The following OSBPL8 variants were observed in gnomAD, a reference collection of about 807,000 sequenced individuals.
The protein encoded by OSBPL8 is oxysterol-binding protein-related protein 8.
A neutral mutation model predicts 125.5 loss-of-function variants in OSBPL8; 59 were observed. That is an observed-to-expected ratio of 0.47 (90% CI 0.38 to 0.58). The LOEUF (loss-of-function observed/expected upper bound fraction) is 0.58, where lower values mean the gene tolerates loss of function less well. Among genes scored for constraint, OSBPL8 ranks in the 20% least tolerant of loss-of-function variants. The pLI is 0.00. For synonymous variants in OSBPL8, 330 were observed against 338.9 expected (o/e 0.97, Z 0.29); for missense variants, 758 against 1,047.8 (o/e 0.72, Z 3.82).
At chr12:76,493,222 T>C (rs570034838) in intron 1 of OSBPL8, among the ~76,000 whole-genome samples, 8 of 152,238 alleles carry the variant, frequency 5.3e-5, no homozygotes, top group Non-Finnish European at 1.2e-4. Flanking sequence ...ACATAATGTG[T>C]GTGTAAGCTT....
At position 76,355,058 on chromosome 12, in the gene OSBPL8, C is replaced by G. The variant is rs188435980; in HGVS notation, c.*831G>C. 1 of 152,260 alleles carries G rather than the reference C, an allele frequency of 6.6e-6. No homozygotes were observed. Among genetic ancestry groups the G allele is most frequent in the Admixed American group, 6.6e-5 (1 of 15,240 alleles). The allele number at this position is 152,260 out of a possible 1,614,324, so 9.4% of individuals were successfully genotyped here. On this transcript the variant is annotated 3_prime_UTR_variant, in exon 24 of 24. Coordinates refer to ENST00000261183, the MANE Select transcript of OSBPL8 (RefSeq NM_020841.5). The stretch of plus-strand genomic sequence containing the variant: ...TCTATAAACATCTCTAGAATTTGGC[C>G]TATGTTATGAACCAGCTGACTTAAG...
At chr12:76,536,983 T>C (rs1950517794) in intron 1 of OSBPL8, 1 of 152,386 alleles carries the variant, frequency 6.6e-6, no homozygotes, top group Non-Finnish European at 1.5e-5. Context: ...ATCTTTGTGT[T>C]TAAAAAATGA....
chr12:76,468,546 A>G (rs967698277), intron 2 of OSBPL8, among the ~76,000 whole-genome samples: 9 of 152,198 alleles, frequency 5.9e-5, no homozygotes, highest in African/African-American at 1.9e-4. Flanking sequence ...GTTCACTGCA[A>G]TATCTCTTAA....
intron 6 of OSBPL8, among the ~76,000 whole-genome samples, chr12:76,402,096 G>A (rs373780500): frequency 4.5e-4 from 68 of 152,180 alleles, no homozygotes; most frequent in African/African-American, 1.5e-3. Context: ...TTTAATATGG[G>A]ATGCAAATAC....
At chr12:76,365,987 G>C (rs1448885026) in intron 21 of OSBPL8, among the ~76,000 whole-genome samples, 4 of 152,050 alleles carry the variant, frequency 2.6e-5, no homozygotes, top group African/African-American at 9.7e-5. Flanking sequence ...AATTTTGTTT[G>C]CTAGTATTTT....
At chr12:76,373,305 T>C in intron 18 of OSBPL8, 39 bp downstream of exon 18, 1 of 1,288,346 alleles carries the variant, frequency 7.8e-7, no homozygotes, top group African/African-American at 1.5e-5. Context: ...TCCCACAGAA[T>C]AAAATTCTTT....
At chr12:76,515,782 C>T (rs541201919) in intron 1 of OSBPL8, among the ~76,000 whole-genome samples, 30 of 152,066 alleles carry the variant, frequency 2.0e-4, no homozygotes, top group African/African-American at 7.0e-4. Flanking sequence ...AGAGTTGTTT[C>T]CTTGATTAGT....
At chr12:76,441,720 T>C (rs1372008364) in intron 4 of OSBPL8, among the ~76,000 whole-genome samples, 1 of 151,880 alleles carries the variant, frequency 6.6e-6, no homozygotes, top group African/African-American at 2.4e-5. Context: ...ATTTGTGACA[T>C]CTTAAAATCA....
At chr12:76,358,556 C>T (rs1471806189) in intron 22 of OSBPL8, 150 bp downstream of exon 22, 1 of 640,380 alleles carries the variant, frequency 1.6e-6, no homozygotes, top group Non-Finnish European at 2.7e-6. Flanking sequence ...GGTCTCACAA[C>T]TTATCTATGA....
At chr12:76,418,400 G>A (rs1472148509) in intron 4 of OSBPL8, among the ~76,000 whole-genome samples, 2 of 152,076 alleles carry the variant, frequency 1.3e-5, no homozygotes, top group Non-Finnish European at 1.5e-5. Flanking sequence ...GTACTTTATT[G>A]AAGCCAAATT....
chr12:76,412,507 C>T (rs759855041), intron 4 of OSBPL8, among the ~76,000 whole-genome samples: 3 of 152,090 alleles, frequency 2.0e-5, no homozygotes, highest in Non-Finnish European at 2.9e-5. Context: ...CATCCTATGC[C>T]ACCTAGTCTA....
intron 18 of OSBPL8, among the ~76,000 whole-genome samples, chr12:76,372,209 C>T (rs1952647856): frequency 6.6e-6 from 1 of 151,918 alleles, no homozygotes; most frequent in Non-Finnish European, 1.5e-5. Context: ...TCATCTCTAT[C>T]TTATCTATCT....
At chr12:76,363,230 C>G (rs1442945117) in intron 21 of OSBPL8, among the ~76,000 whole-genome samples, 1 of 152,194 alleles carries the variant, frequency 6.6e-6, no homozygotes, top group African/African-American at 2.4e-5. Flanking sequence ...CCAAGACAAT[C>G]CTAAGCAAAA....
At position 76,521,592 on chromosome 12, in the gene OSBPL8, AC is replaced by A. The variant is rs551859841; in HGVS notation, c.-67-33975del. ...CACAAGCAAAATGTGGTATATACAT[AC>A]AATGGAATATTGTTCAGCCTTTAAA... is the stretch of plus-strand genomic sequence containing the variant. On this transcript the variant is annotated intron_variant, in intron 1 of 23. Coordinates refer to ENST00000261183, the MANE Select transcript of OSBPL8 (RefSeq NM_020841.5). Among the ~76,000 whole-genome samples, 737 of 152,370 alleles carry A rather than the reference AC, an allele frequency of 4.8e-3. 6 individuals are homozygous for A. Among genetic ancestry groups the A allele is most frequent in the African/African-American group, 0.017 (687 of 41,584 alleles).
chr12:76,493,477 G>T (rs1327733326), intron 1 of OSBPL8, among the ~76,000 whole-genome samples: 2 of 152,088 alleles, frequency 1.3e-5, no homozygotes, highest in Non-Finnish European at 2.9e-5. Context: ...AATTTCTGAA[G>T]AACAGTTTTG....
Position 76,371,589 on chromosome 12 carries a change from AT to A in OSBPL8, c.1918-6del. 1 of 1,554,368 alleles carries A rather than the reference AT, an allele frequency of 6.4e-7. No individual in the cohort carries two copies. The highest frequency in any genetic ancestry group is 1.9e-5 in the Admixed American group (1 of 51,978). ...AGTAATAAAAACTTCACTATCCTAT[AT>A]TTAAAAAAATTCAAAATTAATGTAA... On this transcript the variant is annotated splice_polypyrimidine_tract_variant and splice_region_variant and intron_variant, in intron 18 of 23. Coordinates refer to ENST00000261183, the MANE Select transcript of OSBPL8 (RefSeq NM_020841.5).
intron 1 of OSBPL8, among the ~76,000 whole-genome samples, chr12:76,497,447 G>A (rs775752331): frequency 6.6e-6 from 1 of 152,098 alleles, no homozygotes; most frequent in Admixed American, 6.6e-5. Context: ...CATAATAAAG[G>A]AATCTTTCCT....
chr12:76,487,272 C>A (rs1207067141), intron 2 of OSBPL8, among the ~76,000 whole-genome samples: 1 of 152,042 alleles, frequency 6.6e-6, no homozygotes, highest in Non-Finnish European at 1.5e-5. Context: ...CTCAGGTAAT[C>A]CACCCATCTC....
intron 4 of OSBPL8, among the ~76,000 whole-genome samples, chr12:76,437,680 T>C (rs1194942711): frequency 6.6e-6 from 1 of 152,136 alleles, no homozygotes; most frequent in African/African-American, 2.4e-5. Context: ...ATCAAGTACT[T>C]TGAAAAAAAT....
Sources: allele counts gnomAD v4.1 joint callset (sites outside exome capture counted in the v4.1 genomes callset), GRCh38; gene constraint gnomAD v4.1.1; transcripts MANE v1.5; gene names NCBI Gene and HGNC (gene_info 2026-07-23, HGNC 2026-07-21).